The following TRPS1 variants were observed in gnomAD, a reference collection of about 807,000 sequenced individuals.
TRPS1 encodes zinc finger transcription factor Trps1.
In TRPS1, 6 loss-of-function variants were observed where a neutral mutation model predicts 101.2. The ratio of observed to expected loss-of-function variants is 0.06; its 90% CI spans 0.03 to 0.12. The LOEUF (loss-of-function observed/expected upper bound fraction) is 0.12. TRPS1 is among the 10% of genes least tolerant of loss of function. The probability of loss-of-function intolerance (pLI) is 1.00; values close to 1 mark genes in which losing one functional copy is unlikely to be tolerated. For synonymous variants in TRPS1, 578 were observed against 589.8 expected (o/e 0.98, Z 0.29); for missense variants, 1,363 against 1,567.0 (o/e 0.87, Z 2.20).
At chr8:115,642,918 G>A (rs1251442264) in intron 1 of TRPS1, among the ~76,000 whole-genome samples, 2 of 149,338 alleles carry the variant, frequency 1.3e-5, no homozygotes, top group East Asian at 1.9e-4. Flanking sequence ...ACTACACCTC[G>A]GAGATACTAC....
intron 5 of TRPS1, among the ~76,000 whole-genome samples, chr8:115,519,567 C>T (rs1303077258): frequency 2.0e-5 from 3 of 150,980 alleles, no homozygotes; most frequent in Non-Finnish European, 4.4e-5. Flanking sequence ...TTGTTTTTTT[C>T]CAGTGTATTT....
At chr8:115,429,409 C>T (rs1813265473) in intron 5 of TRPS1, among the ~76,000 whole-genome samples, 1 of 152,196 alleles carries the variant, frequency 6.6e-6, no homozygotes, top group Non-Finnish European at 1.5e-5. Context: ...ACCAGATTAG[C>T]TCAAGGTAAT....
chr8:115,586,731 A>G (rs1313600139), intron 5 of TRPS1, among the ~76,000 whole-genome samples: 3 of 152,188 alleles, frequency 2.0e-5, no homozygotes, highest in African/African-American at 7.2e-5. Context: ...TGTTTTGTAT[A>G]GTCACCAGGA....
chr8:115,423,232 C>T lies in TRPS1; in HGVS notation c.2701-4780G>A, dbSNP rs972079652. 8.5e-5 allele frequency among the ~76,000 whole-genome samples: 13 copies of T among 152,288 alleles called. No individual in the cohort carries two copies. The East Asian group carries it at 1.9e-3, about 23-fold the overall frequency. On this transcript the variant is annotated intron_variant, in intron 5 of 6. Transcript: ENST00000395715. The stretch of plus-strand genomic sequence containing the variant: ...ATGATTGTTTGCTTTTCTTTTAATG[C>T]TTTGAGCAGTACAATTTAGGTTGCA...
chr8:115,486,440 C>T (rs1236087929), intron 5 of TRPS1, among the ~76,000 whole-genome samples: 1 of 152,170 alleles, frequency 6.6e-6, no homozygotes, highest in African/African-American at 2.4e-5. Flanking sequence ...AAAGGAAGAG[C>T]TGTCTCACTT....
intron 1 of TRPS1, among the ~76,000 whole-genome samples, chr8:115,656,353 A>C (rs889880669): frequency 7.2e-5 from 11 of 152,144 alleles, no homozygotes; most frequent in African/African-American, 2.7e-4. Flanking sequence ...TTTACATTAA[A>C]ATATGTCAGA....
intron 5 of TRPS1, among the ~76,000 whole-genome samples, chr8:115,474,339 C>G (rs989601152): frequency 1.3e-5 from 2 of 151,688 alleles, no homozygotes; most frequent in African/African-American, 4.8e-5. Flanking sequence ...TTGTTTAGGA[C>G]TATAAAAAAA....
chr8:115,538,903 T>A (rs1178937486), intron 5 of TRPS1, among the ~76,000 whole-genome samples: 1 of 152,186 alleles, frequency 6.6e-6, no homozygotes, highest in African/African-American at 2.4e-5. Flanking sequence ...TCGTACTTTT[T>A]AAAACAACCT....
At chr8:115,487,923 T>TG (rs1275865129) in intron 5 of TRPS1, among the ~76,000 whole-genome samples, 12 of 152,202 alleles carry the variant, frequency 7.9e-5, no homozygotes, top group Admixed American at 7.2e-4. Flanking sequence ...GAGGGTTGAC[T>TG]CCAATTTTGA....
intron 5 of TRPS1, among the ~76,000 whole-genome samples, chr8:115,583,525 T>C (rs1273332129): frequency 1.3e-5 from 2 of 152,116 alleles, no homozygotes; most frequent in African/African-American, 4.8e-5. Flanking sequence ...ATAAGATCTA[T>C]TCTAGAAATG....
chr8:115,649,279 T>C (rs1032511029), intron 1 of TRPS1, among the ~76,000 whole-genome samples: 3 of 152,170 alleles, frequency 2.0e-5, no homozygotes, highest in Admixed American at 6.5e-5. Context: ...TCAGCTAGTC[T>C]TTGAAATACC....
At position 115,562,501 on chromosome 8, in the gene TRPS1, A is replaced by G. The variant is rs1375536794; in HGVS notation, c.2700+24500T>C. On this transcript the variant is annotated intron_variant, in intron 5 of 6. Transcript: ENST00000395715. The stretch of plus-strand genomic sequence containing the variant: ...AAACTCAAAACAGTTGGTCAGTGTG[A>G]TTGCCAGGAAAAAAAAAAAAAAAGC... Among the ~76,000 whole-genome samples the G allele has an allele frequency of 2.0e-5, 3 of 149,692 alleles. No individual in the cohort carries two copies. In the Admixed American group the frequency reaches 2.0e-4, roughly 10 times the overall value.
At chr8:115,588,459 T>C (rs185593365) in intron 4 of TRPS1, among the ~76,000 whole-genome samples, 194 of 152,314 alleles carry the variant, frequency 1.3e-3, no homozygotes, top group Middle Eastern at 6.8e-3. Context: ...AGGGTGTGTG[T>C]GTGTTTTCTT....
intron 5 of TRPS1, among the ~76,000 whole-genome samples, chr8:115,570,238 C>T (rs1306909326): frequency 6.6e-6 from 1 of 151,886 alleles, no homozygotes; most frequent in Non-Finnish European, 1.5e-5. Flanking sequence ...TAATCTTATA[C>T]CCTAAAGGTT....
At chr8:115,518,186 T>C (rs1815768789) in intron 5 of TRPS1, among the ~76,000 whole-genome samples, 1 of 151,782 alleles carries the variant, frequency 6.6e-6, no homozygotes, top group African/African-American at 2.4e-5. Flanking sequence ...TGTAAGAAAT[T>C]TGATGGGAAG....
At chr8:115,635,434 T>C (rs1285380571) in intron 1 of TRPS1, among the ~76,000 whole-genome samples, 1 of 152,210 alleles carries the variant, frequency 6.6e-6, no homozygotes, top group Non-Finnish European at 1.5e-5. Context: ...ACGTAACATT[T>C]ATTCATTCAA....
At chr8:115,545,373 A>G (rs751659567) in intron 5 of TRPS1, among the ~76,000 whole-genome samples, 134 of 152,272 alleles carry the variant, frequency 8.8e-4, no homozygotes, top group Non-Finnish European at 1.7e-3. Flanking sequence ...TTTTCACTGG[A>G]TGGTGGAAGA....
rs1227039276 is a variant in TRPS1, at chr8:115,587,648, G to C, written c.2097-44C>G. ...GTTACTGCAAAGACAGCGTTCTGAA[G>C]GGTTGTTTTATTTTTAATAGCCTTT... On this transcript the variant is annotated intron_variant, in intron 4 of 6. Transcript: ENST00000395715. 4 of 1,612,556 alleles carry C rather than the reference G, an allele frequency of 2.5e-6. 1 individual carries two copies. The highest frequency in any genetic ancestry group is 2.2e-5 in the South Asian group (2 of 90,812).
intron 5 of TRPS1, among the ~76,000 whole-genome samples, chr8:115,528,180 T>A (rs1358029962): frequency 6.6e-6 from 1 of 152,110 alleles, no homozygotes; most frequent in African/African-American, 2.4e-5. Context: ...GAAGGCTGAT[T>A]ATTTACTAAA....
Sources: gnomAD v4.1 joint callset for allele counts (sites outside exome capture counted in the v4.1 genomes callset) on GRCh38, gnomAD v4.1.1 for gene constraint, MANE v1.5 for transcripts, NCBI Gene and HGNC (gene_info 2026-07-23, HGNC 2026-07-21) for gene names.